Variants in UBAC2 observed in about 807,000 individuals in gnomAD.
UBAC2 encodes UBA domain containing 2.
UBAC2 carries 26 observed loss-of-function variants against 44.0 expected under a neutral mutation model. The observed-to-expected ratio is 0.59, with a 90% CI of 0.43 to 0.82. UBAC2 has a LOEUF of 0.82. UBAC2 is among the 40% of genes least tolerant of loss of function. The pLI is 0.00. For missense variants in UBAC2, 329 were observed against 419.4 expected, an observed-to-expected ratio of 0.78 and a Z score of 1.88; for synonymous variants, 155 against 154.3, an observed-to-expected ratio of 1.00 and a Z score of -0.04.
At chr13:99,365,718 AG>A (rs1566524227) in intron 7 of UBAC2, among the ~76,000 whole-genome samples, 2 of 152,304 alleles carry the variant, frequency 1.3e-5, no homozygotes, top group East Asian at 3.8e-4. Flanking sequence ...GTAATGGAAA[AG>A]AATGTATATT....
chr13:99,303,543 C>T (rs2044286935), intron 4 of UBAC2, among the ~76,000 whole-genome samples: 1 of 152,158 alleles, frequency 6.6e-6, no homozygotes, highest in South Asian at 2.1e-4. Flanking sequence ...CTAAGAATCC[C>T]ACCATAATAC....
intron 5 of UBAC2, 42 bp downstream of exon 5, chr13:99,314,262 C>CTTTTTTTT: frequency 1.7e-6 from 2 of 1,148,926 alleles, no homozygotes; most frequent in South Asian, 2.1e-5. Context: ...TTAACCAGAT[C>CTTTTTTTT]TTTTTTTTTT....
chr13:99,239,342 C>A (rs9517657), intron 2 of UBAC2, among the ~76,000 whole-genome samples: 148,011 of 152,320 alleles, frequency 0.97, 72,044 homozygotes, highest in East Asian at 1. Context: ...TAATGCAGTC[C>A]TTCTCAACCC....
chr13:99,308,849 A>G (rs977808600), intron 4 of UBAC2: 13 of 152,366 alleles, frequency 8.5e-5, no homozygotes, highest in African/African-American at 2.9e-4. Flanking sequence ...TCCTAGTACA[A>G]AAATTCTATG....
intron 8 of UBAC2, among the ~76,000 whole-genome samples, chr13:99,383,169 T>C (rs1257335034): frequency 6.6e-6 from 1 of 152,210 alleles, no homozygotes; most frequent in Admixed American, 6.5e-5. Context: ...TGTGTGTGCC[T>C]GTGCACGCTC....
intron 7 of UBAC2, among the ~76,000 whole-genome samples, chr13:99,359,328 G>T (rs1331853655): frequency 6.6e-6 from 1 of 152,214 alleles, no homozygotes; most frequent in African/African-American, 2.4e-5. Context: ...CTAAAAGGCA[G>T]GGAGGTTGTC....
chr13:99,255,766 C>T, intron 4 of UBAC2: 1 of 1,613,782 alleles, frequency 6.2e-7, no homozygotes, highest in South Asian at 1.1e-5. Context: ...AACAAATAAT[C>T]CAATTATGAA....
At chr13:99,362,980 A>G (rs2045285566) in intron 7 of UBAC2, among the ~76,000 whole-genome samples, 1 of 152,206 alleles carries the variant, frequency 6.6e-6, no homozygotes, top group African/African-American at 2.4e-5. Context: ...TGACATGAAA[A>G]TAATCTCCTA....
chr13:99,203,275 G>T (rs536971645), intron 1 of UBAC2, among the ~76,000 whole-genome samples: 1 of 152,004 alleles, frequency 6.6e-6, no homozygotes. Flanking sequence ...ACCTCAAGTG[G>T]TCCTCCCGCC....
intron 6 of UBAC2, among the ~76,000 whole-genome samples, chr13:99,332,628 GTTC>G (rs1205037305): frequency 1.3e-5 from 2 of 152,160 alleles, no homozygotes; most frequent in Admixed American, 1.3e-4. Flanking sequence ...CCTAGCCAGG[GTTC>G]CTGCTTCCTG....
intron 4 of UBAC2, among the ~76,000 whole-genome samples, chr13:99,305,720 G>A (rs540635102): frequency 1.3e-5 from 2 of 152,228 alleles, no homozygotes; most frequent in African/African-American, 2.4e-5. Flanking sequence ...TCACTAACGC[G>A]ATACATAAAC....
At chr13:99,206,862 G>A (rs1035380819) in intron 1 of UBAC2, among the ~76,000 whole-genome samples, 1 of 152,080 alleles carries the variant, frequency 6.6e-6, no homozygotes, top group South Asian at 2.1e-4. Context: ...CCAAAAAATC[G>A]GGGCCATCAC....
intron 8 of UBAC2, among the ~76,000 whole-genome samples, chr13:99,374,447 C>T (rs1414411566): frequency 6.6e-6 from 1 of 152,212 alleles, no homozygotes; most frequent in Non-Finnish European, 1.5e-5. Context: ...GGTCAATTCA[C>T]ATGACACGTC....
rs182866435 is a variant in UBAC2, at chr13:99,205,197, C to T, written c.31+4258C>T. Among the ~76,000 whole-genome samples, 267 of 152,160 alleles carry T rather than the reference C, an allele frequency of 1.8e-3. 1 individual carries two copies. Among genetic ancestry groups the T allele is most frequent in the Non-Finnish European group, 3.3e-3 (225 of 67,978 alleles). On this transcript the variant is annotated intron_variant, in intron 1 of 8. Coordinates refer to ENST00000403766, the MANE Select transcript of UBAC2 (RefSeq NM_001144072.2). ...GATTATAGGCGTGAGCCACTGTGCC[C>T]GGTTGGGGGAGTTTCTTTAAGTGGA... is the stretch of plus-strand genomic sequence containing the variant.
At chr13:99,248,488 T>G (rs560124955) in intron 4 of UBAC2, among the ~76,000 whole-genome samples, 24 of 151,806 alleles carry the variant, frequency 1.6e-4, no homozygotes, top group Non-Finnish European at 2.5e-4. Flanking sequence ...GCCTCCCTGG[T>G]TCAAGCGATT....
At chr13:99,208,391 C>T (rs1302165902) in intron 1 of UBAC2, among the ~76,000 whole-genome samples, 1 of 152,182 alleles carries the variant, frequency 6.6e-6, no homozygotes, top group African/African-American at 2.4e-5. Context: ...CTTTAATTAA[C>T]TGATTCAGCA....
At chr13:99,208,047 G>C (rs554494449) in intron 1 of UBAC2, among the ~76,000 whole-genome samples, 17 of 146,600 alleles carry the variant, frequency 1.2e-4, no homozygotes, top group African/African-American at 3.6e-4. Flanking sequence ...GCCCAGGCTG[G>C]AGTGCAATGG....
intron 1 of UBAC2, among the ~76,000 whole-genome samples, chr13:99,210,562 C>T (rs1566447720): frequency 6.6e-6 from 1 of 150,958 alleles, no homozygotes; most frequent in East Asian, 1.9e-4. Flanking sequence ...GCTGCAACCT[C>T]CGCCTCCTGG....
chr13:99,258,894 A>G (rs1324178673), intron 4 of UBAC2, among the ~76,000 whole-genome samples: 4 of 152,198 alleles, frequency 2.6e-5, no homozygotes, highest in Non-Finnish European at 4.4e-5. Context: ...TTTACTATTT[A>G]AACATTTCTA....
Sources: allele counts gnomAD v4.1 joint callset (sites outside exome capture counted in the v4.1 genomes callset), GRCh38; gene constraint gnomAD v4.1.1; transcripts MANE v1.5; gene names NCBI Gene and HGNC (gene_info 2026-07-23, HGNC 2026-07-21).